Variants in RABGAP1L observed in about 807,000 individuals in gnomAD.
RABGAP1L encodes the protein RAB GTPase activating protein 1 like.
RABGAP1L carries 63 observed loss-of-function variants against 137.7 expected under a neutral mutation model. The observed-to-expected ratio is 0.46, with a 90% confidence interval of 0.37 to 0.56. The LOEUF (loss-of-function observed/expected upper bound fraction) is 0.56, where lower values mean the gene tolerates loss of function less well. Among genes scored for constraint, RABGAP1L ranks in the 20% least tolerant of loss-of-function variants. RABGAP1L has a pLI of 0.00. For missense variants in RABGAP1L, 1,095 were observed against 1,244.0 expected (o/e 0.88, Z 1.80); for synonymous variants, 431 against 433.7 (o/e 0.99, Z 0.08).
At chr1:174,922,910 A>G (rs906181864) in intron 19 of RABGAP1L, among the ~76,000 whole-genome samples, 12 of 152,212 alleles carry the variant, frequency 7.9e-5, no homozygotes, top group Admixed American at 4.6e-4. Flanking sequence ...ACAGTGGCTC[A>G]TGCCTAGAAT....
intron 17 of RABGAP1L, among the ~76,000 whole-genome samples, chr1:174,703,744 T>C (rs1228650236): frequency 2.0e-5 from 3 of 152,188 alleles, no homozygotes; most frequent in South Asian, 4.1e-4. Context: ...CACTAACATC[T>C]GTTATTTTTT....
chr1:174,652,555 C>G (rs1352054535), intron 14 of RABGAP1L, among the ~76,000 whole-genome samples: 1 of 152,150 alleles, frequency 6.6e-6, no homozygotes, highest in Non-Finnish European at 1.5e-5. Flanking sequence ...TAACAGGCCC[C>G]TCTGCTACAG....
At chr1:174,181,877 G>A (rs1381725047) in intron 1 of RABGAP1L, among the ~76,000 whole-genome samples, 1 of 152,192 alleles carries the variant, frequency 6.6e-6, no homozygotes, top group Non-Finnish European at 1.5e-5. Flanking sequence ...AGGTAACAAA[G>A]AGTGTCTGCA....
At chr1:174,541,480 A>G in intron 13 of RABGAP1L, among the ~76,000 whole-genome samples, 1 of 152,236 alleles carries the variant, frequency 6.6e-6, no homozygotes, top group South Asian at 2.1e-4. Context: ...TACCTAGTTT[A>G]TTAAGAGTTT....
chr1:174,409,078 T>C (rs1478594071), intron 13 of RABGAP1L, among the ~76,000 whole-genome samples: 3 of 152,196 alleles, frequency 2.0e-5, no homozygotes, highest in African/African-American at 4.8e-5. Flanking sequence ...TAGGTCCTAC[T>C]TGTTAATTTA....
At chr1:174,202,877 C>G (rs1021659951) in intron 1 of RABGAP1L, among the ~76,000 whole-genome samples, 5 of 152,122 alleles carry the variant, frequency 3.3e-5, no homozygotes, top group Non-Finnish European at 7.4e-5. Flanking sequence ...TATGGCTAGC[C>G]AGTTTTCCCA....
chr1:174,440,487 A>ATTT (rs1654000671), intron 13 of RABGAP1L, among the ~76,000 whole-genome samples: 1 of 152,220 alleles, frequency 6.6e-6, no homozygotes, highest in Non-Finnish European at 1.5e-5. Context: ...AGTTGAGGAA[A>ATTT]TAGGTAAATT....
intron 2 of RABGAP1L, 94 bp downstream of exon 2, chr1:174,219,389 C>A: frequency 2.4e-6 from 2 of 835,462 alleles, no homozygotes; most frequent in Non-Finnish European, 1.7e-6. Flanking sequence ...TTCTCAAGTG[C>A]TGACTTTCAA....
chr1:174,550,887 T>TACACAC (rs1265565571), intron 13 of RABGAP1L, among the ~76,000 whole-genome samples: 1 of 89,942 alleles, frequency 1.1e-5, no homozygotes, highest in African/African-American at 6.8e-5. Flanking sequence ...TATATATATA[T>TACACAC]ATATATATAC....
rs148183685 is a variant in RABGAP1L at position 174,442,382 on chromosome 1, G to A, written c.1710+48237G>A. Among the ~76,000 whole-genome samples, 7 of 152,088 alleles carry A rather than the reference G, an allele frequency of 4.6e-5. 1 individual carries two copies. The East Asian group carries it at 1.4e-3, about 29-fold the overall frequency. ...TCATCCTTAAACATAGTATTCACTT[G>A]AAAATCGTTATTCTAATGTATCTTA... On this transcript the variant is annotated intron_variant, in intron 13 of 25. Transcript: ENST00000681986.
At position 174,250,576 on chromosome 1, in the gene RABGAP1L, G is replaced by A. The variant is rs772039967; in HGVS notation, c.819G>A (p.Val273=). 9 of 1,613,910 alleles carry A rather than the reference G, an allele frequency of 5.6e-6. No individual in the cohort carries two copies. Among genetic ancestry groups the A allele is most frequent in the Admixed American group, 3.3e-5 (2 of 60,018 alleles). ...TTATTCCTACCCCCGACAGTGATGT[G>A]TTTACCTTCAGTGTCTCCTTGGAGG... The part of the protein sequence containing the change: ...DSVIPTPDSD[V]FTFSVSLEVK... Residue 273 remains valine (V), a synonymous_variant, in exon 6 of 26, where the codon GTG becomes GTA. Coordinates refer to ENST00000681986, the MANE Select transcript of RABGAP1L (RefSeq NM_001366446.1).
At chr1:174,946,944 G>GTT (rs1666944482) in intron 19 of RABGAP1L, among the ~76,000 whole-genome samples, 1 of 53,362 alleles carries the variant, frequency 1.9e-5, no homozygotes, top group Non-Finnish European at 3.6e-5. Flanking sequence ...ATATATATGT[G>GTT]TGTGTGTGTG....
Position 174,346,811 on chromosome 1 carries a change from G to A in RABGAP1L, c.1466-24168G>A, listed in dbSNP as rs186063973. Among the ~76,000 whole-genome samples the A allele has an allele frequency of 4.1e-3, 629 of 151,580 alleles. 2 individuals are homozygous for A. The highest frequency in any genetic ancestry group is 7.1e-3 in the Non-Finnish European group (481 of 67,842). On this transcript the variant is annotated intron_variant, in intron 11 of 25. Transcript: ENST00000681986. ...CTTTTCTAGTTCTTTAAGTTGCATC[G>A]TTAGGTTGTTTGATGTTTTTTCTAC...
chr1:174,278,699 C>A lies in RABGAP1L; in HGVS notation c.1243C>A (p.Arg415Ser). ...TCGCTTTCTCCTGGAGACAGTAGTC[C>A]GTGTGTACCCTGCAAATGAGCGATT... ...PVRFLLETVV[R>S]VYPANERFWY... is the part of the protein sequence containing the mutation. The change falls in exon 10 of 26, where the codon CGT becomes AGT. Residue 415 changes from arginine (R) to serine (S), a missense_variant. Coordinates refer to ENST00000681986, the MANE Select transcript of RABGAP1L (RefSeq NM_001366446.1). 1 of 1,600,036 alleles carries A rather than the reference C, an allele frequency of 6.2e-7. No homozygotes were observed.
chr1:174,846,022 T>C (rs1269230802), intron 19 of RABGAP1L, among the ~76,000 whole-genome samples: 4 of 148,796 alleles, frequency 2.7e-5, no homozygotes, highest in African/African-American at 9.9e-5. Flanking sequence ...GTAGAGGTGT[T>C]TGTAGTATTC....
chr1:174,256,502 G>T (rs565580710), intron 7 of RABGAP1L, among the ~76,000 whole-genome samples: 25 of 152,332 alleles, frequency 1.6e-4, no homozygotes, highest in African/African-American at 4.8e-4. Context: ...ATGAAAATAT[G>T]CTGGGCGCGG....
chr1:174,549,714 T>A (rs1292483962), intron 13 of RABGAP1L, among the ~76,000 whole-genome samples: 1 of 152,202 alleles, frequency 6.6e-6, no homozygotes, highest in Non-Finnish European at 1.5e-5. Flanking sequence ...TTCCTACAAA[T>A]AGTATAGAAG....
intron 12 of RABGAP1L, among the ~76,000 whole-genome samples, chr1:174,381,169 T>A (rs1169384507): frequency 7.8e-5 from 11 of 141,148 alleles, no homozygotes; most frequent in South Asian, 4.8e-4. Context: ...TGTTATAATT[T>A]CTGTTCTTTT....
intron 13 of RABGAP1L, among the ~76,000 whole-genome samples, chr1:174,412,665 A>C (rs146264362): frequency 9.9e-5 from 15 of 152,248 alleles, no homozygotes; most frequent in African/African-American, 3.4e-4. Context: ...AGTGGTAATG[A>C]ATTCCCTTAG....
Sources: allele counts gnomAD v4.1 joint callset (sites outside exome capture counted in the v4.1 genomes callset), GRCh38; gene constraint gnomAD v4.1.1; transcripts MANE v1.5; gene names NCBI Gene and HGNC (gene_info 2026-07-23, HGNC 2026-07-21).